Variants in SNX30 observed in about 807,000 individuals in gnomAD.
SNX30 encodes the protein sorting nexin family member 30.
In SNX30, 24 loss-of-function variants were observed where a neutral mutation model predicts 46.4. That is an observed-to-expected ratio of 0.52 (90% CI 0.37 to 0.73). The LOEUF (loss-of-function observed/expected upper bound fraction) is 0.73, where lower values mean the gene tolerates loss of function less well. Ranked by LOEUF, SNX30 falls within the 30% of genes least tolerant of loss-of-function variation. SNX30 has a pLI of 0.00. For synonymous variants in SNX30, 189 were observed against 211.5 expected, an observed-to-expected ratio of 0.89 and a Z score of 0.92; for missense variants, 533 against 555.7, an observed-to-expected ratio of 0.96 and a Z score of 0.41.
Position 112,869,033 on chromosome 9 carries a change from C to T in SNX30, c.*190C>T. 1.6e-6 allele frequency: 1 copy of T among 607,232 alleles called. No individual in the cohort carries two copies. The allele number at this position is 607,232 out of a possible 1,614,324, so 37.6% of individuals were successfully genotyped here. ...ATTAGTATTTATTCCATGGTGGAGT[C>T]TGTGAGGCTAGAATATCTCTCAGCA... is the stretch of plus-strand genomic sequence containing the variant. On this transcript the variant is annotated 3_prime_UTR_variant, in exon 9 of 9. Transcript: ENST00000374232.
chr9:112,862,402 A>C (rs187870291), intron 7 of SNX30, among the ~76,000 whole-genome samples: 569 of 152,226 alleles, frequency 3.7e-3, no homozygotes, highest in Middle Eastern at 0.01. Flanking sequence ...GGGTAAGGGA[A>C]CTGGCCTGTG....
intron 1 of SNX30, among the ~76,000 whole-genome samples, chr9:112,762,436 T>TC (rs1012722036): frequency 3.3e-5 from 5 of 151,772 alleles, no homozygotes; most frequent in Admixed American, 6.6e-5. Flanking sequence ...AGAAGATCTC[T>TC]CCCCCGAGAG....
intron 1 of SNX30, among the ~76,000 whole-genome samples, chr9:112,756,940 G>A (rs1735645269): frequency 6.6e-6 from 1 of 152,172 alleles, no homozygotes; most frequent in African/African-American, 2.4e-5. Flanking sequence ...TTACTATAGT[G>A]GAGCAAATGA....
In SNX30 at chr9:112,839,067, TTAAAG is replaced by T. The variant is rs144046148; in HGVS notation, c.1014+374_1014+378del. ...GTTGGAAGGTGAAATTGAAGAAATC[TTAAAG>T]TAAGACAAAACAAAAGTTGCTGGAA... On this transcript the variant is annotated intron_variant, in intron 6 of 8. Coordinates refer to ENST00000374232, the MANE Select transcript of SNX30 (RefSeq NM_001012994.2). 1.1e-3 allele frequency among the ~76,000 whole-genome samples: 172 copies of T among 152,200 alleles called. 1 individual carries two copies. The highest frequency in any genetic ancestry group is 4.1e-3 in the African/African-American group (169 of 41,516).
chr9:112,751,604 C>A (rs1454338312), intron 1 of SNX30, among the ~76,000 whole-genome samples: 3 of 152,218 alleles, frequency 2.0e-5, no homozygotes, highest in Non-Finnish European at 4.4e-5. Context: ...CCTGGGCTTA[C>A]AGCGAGAGTC....
At chr9:112,777,747 C>A (rs1839772727) in intron 1 of SNX30, among the ~76,000 whole-genome samples, 3 of 151,724 alleles carry the variant, frequency 2.0e-5, no homozygotes, top group Admixed American at 6.6e-5. Flanking sequence ...CACACTTGGC[C>A]TCCATGTAAT....
downstream of SNX30, chr9:112,879,904 T>G: frequency 3.0e-6 from 4 of 1,332,504 alleles, no homozygotes; most frequent in Non-Finnish European, 4.3e-6. Flanking sequence ...TAATGATAAT[T>G]ACAAGCCAGG....
chr9:112,793,807 T>G (rs538886931), intron 1 of SNX30, among the ~76,000 whole-genome samples: 80 of 151,596 alleles, frequency 5.3e-4, no homozygotes, highest in East Asian at 4.8e-3. Flanking sequence ...GTTTTTTGTT[T>G]TTTTTTTTTT....
At chr9:112,863,136 G>A (rs532270766) in intron 7 of SNX30, among the ~76,000 whole-genome samples, 7 of 152,280 alleles carry the variant, frequency 4.6e-5, no homozygotes, top group Non-Finnish European at 8.8e-5. Flanking sequence ...AGCTCCCTCA[G>A]GCCTGTCTTT....
chr9:112,817,577 G>A, intron 2 of SNX30, 128 bp from the exon 3 acceptor site: 1 of 627,410 alleles, frequency 1.6e-6, no homozygotes, highest in Non-Finnish European at 2.9e-6. Context: ...CTGCCATTTG[G>A]CTGTTGTGTT....
chr9:112,832,487 T>TGAGAGAGA (rs1417839811), intron 4 of SNX30, among the ~76,000 whole-genome samples: 1 of 132,516 alleles, frequency 7.5e-6, no homozygotes, highest in Non-Finnish European at 1.5e-5. Context: ...TGTGTGTGTG[T>TGAGAGAGA]GTGTGTGTGA....
rs1841434793 is a variant in SNX30 at position 112,870,906 on chromosome 9, T to TA, written c.*2064dup. 2.6e-5 allele frequency: 4 copies of TA among 152,354 alleles called. No individual in the cohort carries two copies. The highest frequency in any genetic ancestry group is 5.9e-5 in the Non-Finnish European group (4 of 68,030). The allele number at this position is 152,354 out of a possible 1,614,324, so 9.4% of individuals were successfully genotyped here. On this transcript the variant is annotated 3_prime_UTR_variant, in exon 9 of 9. Coordinates refer to ENST00000374232, the MANE Select transcript of SNX30 (RefSeq NM_001012994.2). ...ATGAATGTTTGGAAAAAACTGGAGT[T>TA]ACAGGAAAATGAAATCTGACTATCT...
At chr9:112,772,133 C>G (rs752101171) in intron 1 of SNX30, among the ~76,000 whole-genome samples, 1 of 152,140 alleles carries the variant, frequency 6.6e-6, no homozygotes, top group Non-Finnish European at 1.5e-5. Flanking sequence ...GTTTTCAGCC[C>G]GGTGACGTTA....
At chr9:112,753,264 C>T (rs559129405) in intron 1 of SNX30, among the ~76,000 whole-genome samples, 3 of 152,126 alleles carry the variant, frequency 2.0e-5, no homozygotes, top group Non-Finnish European at 4.4e-5. Context: ...ACAAATTCCC[C>T]GTACCACCAA....
intron 1 of SNX30, among the ~76,000 whole-genome samples, chr9:112,789,043 G>A (rs1357258584): frequency 2.0e-5 from 3 of 152,136 alleles, no homozygotes; most frequent in African/African-American, 7.2e-5. Flanking sequence ...CAATCCTCCT[G>A]CCTTGGCCTC....
intron 3 of SNX30, among the ~76,000 whole-genome samples, chr9:112,819,839 GT>G (rs1400846669): frequency 6.6e-6 from 1 of 152,222 alleles, no homozygotes; most frequent in African/African-American, 2.4e-5. Context: ...GGCACGTGCT[GT>G]CAACAGTGTG....
chr9:112,835,573 TC>T (rs1378043227), intron 4 of SNX30, among the ~76,000 whole-genome samples: 6 of 151,756 alleles, frequency 4.0e-5, no homozygotes, highest in Non-Finnish European at 8.8e-5. Context: ...CACCTCAGCC[TC>T]CCACAGTACT....
chr9:112,858,884 C>T (rs1288525826), intron 7 of SNX30, among the ~76,000 whole-genome samples: 1 of 152,136 alleles, frequency 6.6e-6, no homozygotes, highest in Non-Finnish European at 1.5e-5. Context: ...TTGGGCCCTG[C>T]CTCCCTCAGC....
chr9:112,833,384 G>A (rs1209484187), intron 4 of SNX30, among the ~76,000 whole-genome samples: 1 of 152,230 alleles, frequency 6.6e-6, no homozygotes, highest in Non-Finnish European at 1.5e-5. Flanking sequence ...AAGGCTGTAT[G>A]TAATGGCTCA....
Sources: allele counts gnomAD v4.1 joint callset (sites outside exome capture counted in the v4.1 genomes callset), GRCh38; gene constraint gnomAD v4.1.1; transcripts MANE v1.5; gene names NCBI Gene and HGNC (gene_info 2026-07-23, HGNC 2026-07-21).